POC1B: variants seen among roughly 807,000 people sequenced by gnomAD.
POC1B encodes POC1 centriolar protein homolog B.
Under a neutral mutation model 60.6 loss-of-function variants are expected in POC1B, and 44 were observed. That is an observed-to-expected ratio of 0.73 (90% CI 0.57 to 0.93). The LOEUF (loss-of-function observed/expected upper bound fraction) is 0.93, where lower values mean the gene tolerates loss of function less well. Ranked by LOEUF, POC1B falls within the 40% of genes least tolerant of loss-of-function variation. The pLI, the probability that POC1B is intolerant of heterozygous loss-of-function variation, is 0.00. For missense variants in POC1B, 555 were observed against 572.3 expected (o/e 0.97, Z 0.31); for synonymous variants, 180 against 198.9 (o/e 0.90, Z 0.80).
At chr12:89,412,198 C>G in the POC1B span, among the ~76,000 whole-genome samples, 1 of 152,176 alleles carries the variant, frequency 6.6e-6, no homozygotes, top group Non-Finnish European at 1.5e-5. Context: ...TATCTGGCAT[C>G]GAGCTTCACA....
chr12:89,467,522 A>G, intron 8 of POC1B, 95 bp downstream of exon 8: 1 of 992,358 alleles, frequency 1.0e-6, no homozygotes, highest in Non-Finnish European at 1.5e-6. Context: ...CAAACATCTT[A>G]ACATACACAA....
chr12:89,438,982 A>G (rs1244476218), intron 10 of POC1B, among the ~76,000 whole-genome samples: 1 of 152,228 alleles, frequency 6.6e-6, no homozygotes, highest in East Asian at 1.9e-4. Context: ...TGAATGGCAC[A>G]TCATTGTATA....
chr12:89,513,686 C>T (rs948322138), intron 2 of POC1B, among the ~76,000 whole-genome samples: 12 of 152,120 alleles, frequency 7.9e-5, no homozygotes, highest in East Asian at 7.7e-4. Flanking sequence ...CCCCAGGCTG[C>T]GAACTGGTTC....
In POC1B at chr12:89,463,702, C is replaced by T. The variant is rs182339372; in HGVS notation, c.1032+3068G>A. On this transcript the variant is annotated intron_variant, in intron 9 of 11. Transcript: ENST00000313546. ...TGTAGTTAGATAAGTAGGAAGAACC[C>T]GGGAGGGGGCTATTTCACATAGAGA... Among the ~76,000 whole-genome samples, 9 of 152,200 alleles carry T rather than the reference C, an allele frequency of 5.9e-5. No homozygotes were observed. In the South Asian group the frequency reaches 8.3e-4, roughly 14 times the overall value.
At chr12:89,523,063 A>G (rs1871036190) in intron 2 of POC1B, 3 of 1,613,884 alleles carry the variant, frequency 1.9e-6, no homozygotes, top group Non-Finnish European at 2.5e-6. Flanking sequence ...CACAGAATTA[A>G]ACCTTATTTC....
chr12:89,496,059 C>T (rs1220579414), intron 3 of POC1B, among the ~76,000 whole-genome samples: 1 of 152,054 alleles, frequency 6.6e-6, no homozygotes. Context: ...CTGTGCCCAG[C>T]CCTATTTCTA....
intron 2 of POC1B, chr12:89,522,589 AT>A: frequency 2.3e-6 from 1 of 434,066 alleles, no homozygotes; most frequent in East Asian, 3.6e-5. Context: ...CAAAACTCTT[AT>A]ATAAAACAAC....
intron 2 of POC1B, among the ~76,000 whole-genome samples, chr12:89,510,069 G>A (rs1206117233): frequency 1.3e-5 from 2 of 152,140 alleles, no homozygotes; most frequent in Admixed American, 6.5e-5. Context: ...GGCTGGTCTC[G>A]AACTCCTGGC....
In POC1B at chr12:89,421,192, A is replaced by G. The variant is rs746717229; in HGVS notation, c.1398T>C (p.Asn466=). 6.2e-7 allele frequency: 1 copy of G among 1,602,398 alleles called. No homozygotes were observed. Among genetic ancestry groups the G allele is most frequent in the Non-Finnish European group, 8.5e-7 (1 of 1,170,998 alleles). The change falls in exon 12 of 12, where the codon AAT becomes AAC. Residue 466 remains asparagine (N), a synonymous_variant. Transcript: ENST00000313546. ...TEDKLKDCLE[N]QQKLFSAVQQ... ...GGACAGCACTGAAAAGCTTTTGCTG[A>G]TTTTCAAGGCAGTCTTTCAGCTTAT...
Position 89,491,966 on chromosome 12 carries a change from T to C in POC1B, c.422A>G (p.Tyr141Cys). 2 of 1,580,872 alleles carry C rather than the reference T, an allele frequency of 1.3e-6. No homozygotes were observed. The highest frequency in any genetic ancestry group is 2.4e-5 in the South Asian group (2 of 84,558). ...ACAGCGTACCCAGTGTGTATGTCGA[T>C]ACAAGGAATACAGGAAGCGCTGGCG... Reference protein sequence around the residue: ...MYRQRFLYSLYRHTHWVRCAK... With the variant: ...MYRQRFLYSLCRHTHWVRCAK... Residue 141 changes from tyrosine (Y) to cysteine (C), a missense_variant, in exon 4 of 12, where the codon TAT becomes TGT. Coordinates refer to ENST00000313546, the MANE Select transcript of POC1B (RefSeq NM_172240.3).
chr12:89,494,328 G>T (rs1363019663), intron 3 of POC1B, among the ~76,000 whole-genome samples: 1 of 152,152 alleles, frequency 6.6e-6, no homozygotes, highest in Non-Finnish European at 1.5e-5. Context: ...TGGAATTACA[G>T]GTGCGAGTCA....
chr12:89,484,757 A>C (rs1056754631), intron 4 of POC1B, among the ~76,000 whole-genome samples: 13 of 152,192 alleles, frequency 8.5e-5, no homozygotes, highest in Non-Finnish European at 4.4e-5. Flanking sequence ...GAAAGATACT[A>C]CGTCAACAGA....
intron 4 of POC1B, among the ~76,000 whole-genome samples, chr12:89,477,796 G>A (rs1375060409): frequency 6.6e-6 from 1 of 152,136 alleles, no homozygotes; most frequent in Non-Finnish European, 1.5e-5. Flanking sequence ...TTGGGGAGAA[G>A]TGTGACATGC....
chr12:89,475,910 CTTTTT>C (rs972058107), intron 4 of POC1B, among the ~76,000 whole-genome samples: 1 of 86,140 alleles, frequency 1.2e-5, no homozygotes. Context: ...TGAGGGAATT[CTTTTT>C]TTTTTTTTTT....
intron 10 of POC1B, among the ~76,000 whole-genome samples, chr12:89,457,788 TTTA>T (rs1882317252): frequency 6.6e-6 from 1 of 152,198 alleles, no homozygotes; most frequent in Non-Finnish European, 1.5e-5. Context: ...ACTCTTCCAT[TTTA>T]TTATTCTGTT....
intron 1 of POC1B, 27 bp downstream of exon 1, chr12:89,525,854 C>CCCCCCCCACCTCCAA (rs1491213593): frequency 1.2e-6 from 1 of 833,158 alleles, no homozygotes; most frequent in East Asian, 3.6e-5. Flanking sequence ...CAGGGAGGGA[C>CCCCCCCCACCTCCAA]CCCCCCCACC....
chr12:89,467,339 CA>C (rs1195472835), intron 8 of POC1B, among the ~76,000 whole-genome samples: 2 of 152,002 alleles, frequency 1.3e-5, no homozygotes, highest in African/African-American at 4.8e-5. Context: ...ATGATTCAAG[CA>C]AAAGTGCTAT....
At chr12:89,464,344 T>G (rs1009606817) in intron 9 of POC1B, among the ~76,000 whole-genome samples, 1 of 152,178 alleles carries the variant, frequency 6.6e-6, no homozygotes, top group Non-Finnish European at 1.5e-5. Context: ...TAAGTAGTCT[T>G]TGGCTTAGTG....
At position 89,470,372 on chromosome 12, in the gene POC1B, G is replaced by T; in HGVS notation, c.799C>A (p.Gln267Lys). The T allele has an allele frequency of 2.6e-6, 4 of 1,540,266 alleles. No individual in the cohort carries two copies. The highest frequency in any genetic ancestry group is 1.7e-4 in the Middle Eastern group (1 of 5,724). Residue 267 changes from glutamine (Q) to lysine (K), a missense_variant, in exon 7 of 12, where the codon CAA becomes AAA. Transcript: ENST00000313546. ...CTGAGTGTTAATACCGTATGTCCTT[G>T]AAGTGTATAGATGAGCCTTCCTTCT... is the stretch of plus-strand genomic sequence containing the variant. ...LLEGRLIYTL[Q>K]GHTGPVFTVS...
Sources: allele counts gnomAD v4.1 joint callset (sites outside exome capture counted in the v4.1 genomes callset), GRCh38; gene constraint gnomAD v4.1.1; transcripts MANE v1.5; gene names NCBI Gene and HGNC (gene_info 2026-07-23, HGNC 2026-07-21).